The following RAPGEF6 variants were observed in gnomAD, a reference collection of about 807,000 sequenced individuals.
RAPGEF6 encodes the protein Rap guanine nucleotide exchange factor 6.
In RAPGEF6, 56 loss-of-function variants were observed where a neutral mutation model predicts 171.4. The ratio of observed to expected loss-of-function variants is 0.33; its 90% CI spans 0.26 to 0.41. The LOEUF (loss-of-function observed/expected upper bound fraction) is 0.41, where lower values mean the gene tolerates loss of function less well. Ranked by LOEUF, RAPGEF6 falls within the 10% of genes least tolerant of loss-of-function variation. The pLI is 1.00. For missense variants in RAPGEF6, 1,674 were observed against 1,921.4 expected, an observed-to-expected ratio of 0.87 and a Z score of 2.41; for synonymous variants, 692 against 650.1, an observed-to-expected ratio of 1.06 and a Z score of -0.98.
At chr5:131,514,033 C>T (rs1166165410) in intron 7 of RAPGEF6, among the ~76,000 whole-genome samples, 1 of 151,986 alleles carries the variant, frequency 6.6e-6, no homozygotes, top group East Asian at 1.9e-4. Context: ...GTCTCAAAAA[C>T]CAAAACCAAA....
At chr5:131,612,358 A>G (rs897614848) in intron 1 of RAPGEF6, among the ~76,000 whole-genome samples, 10 of 152,010 alleles carry the variant, frequency 6.6e-5, no homozygotes, top group African/African-American at 2.4e-4. Flanking sequence ...TTTGCGTTAG[A>G]TGATTTTGCC....
chr5:131,456,966 C>T (rs1173409966), intron 19 of RAPGEF6, among the ~76,000 whole-genome samples: 1 of 152,184 alleles, frequency 6.6e-6, no homozygotes, highest in Non-Finnish European at 1.5e-5. Flanking sequence ...AAGCTGATGA[C>T]AAATAATGTC....
intron 15 of RAPGEF6, among the ~76,000 whole-genome samples, chr5:131,485,318 C>A (rs1361006937): frequency 6.6e-6 from 1 of 152,096 alleles, no homozygotes; most frequent in Non-Finnish European, 1.5e-5. Context: ...ACTGAGACTG[C>A]CAGCTGTTTT....
intron 15 of RAPGEF6, among the ~76,000 whole-genome samples, chr5:131,480,044 A>G (rs1334570925): frequency 6.6e-6 from 1 of 152,212 alleles, no homozygotes; most frequent in Non-Finnish European, 1.5e-5. Flanking sequence ...GAAAAAAAAC[A>G]GAGGTTCCTA....
rs542562361 is a variant in RAPGEF6, at chr5:131,592,192, T to C, written c.281+191A>G. Reference sequence around the variant, plus strand: ...ATTTTCAGACAGGAAGAAGATATCATGTCATGGTGTAAGCTTACAGATTAT... The same window carrying C: ...ATTTTCAGACAGGAAGAAGATATCACGTCATGGTGTAAGCTTACAGATTAT... On this transcript the variant is annotated intron_variant, in intron 4 of 27. Coordinates refer to ENST00000509018, the MANE Select transcript of RAPGEF6 (RefSeq NM_016340.6). Among the ~76,000 whole-genome samples the C allele has an allele frequency of 3.9e-5, 6 of 152,292 alleles. No individual in the cohort carries two copies. In the South Asian group the frequency reaches 1.2e-3, roughly 32 times the overall value.
chr5:131,453,184 A>C lies in RAPGEF6; in HGVS notation c.3077-7T>G, dbSNP rs908753192. 5.0e-6 allele frequency: 8 copies of C among 1,584,904 alleles called. No homozygotes were observed. In the African/African-American group the frequency reaches 1.1e-4, roughly 21 times the overall value. ...TCTACTTTGGAGTCATTTCCTATAG[A>C]ATGAAAATAAATGTTTAAGTTCAAA... On this transcript the variant is annotated splice_region_variant and splice_polypyrimidine_tract_variant and intron_variant, in intron 20 of 27. Transcript: ENST00000509018.
chr5:131,572,984 T>C (rs1355426870), intron 4 of RAPGEF6, among the ~76,000 whole-genome samples: 4 of 152,164 alleles, frequency 2.6e-5, no homozygotes, highest in African/African-American at 4.8e-5. Context: ...ATGCATTTTT[T>C]ACACTTCGCT....
chr5:131,431,430 A>G, intron 25 of RAPGEF6, 81 bp from the exon 26 acceptor site: 1 of 1,453,178 alleles, frequency 6.9e-7, no homozygotes, highest in Non-Finnish European at 9.2e-7. Flanking sequence ...ATTGCCTGTG[A>G]GAAACTACAG....
In RAPGEF6 at chr5:131,528,313, T is replaced by TTATATATATATA. The variant is rs71590767; in HGVS notation, c.496-6804_496-6793dup. On this transcript the variant is annotated intron_variant, in intron 6 of 27. Coordinates refer to ENST00000509018, the MANE Select transcript of RAPGEF6 (RefSeq NM_016340.6). The stretch of plus-strand genomic sequence containing the variant: ...AATAAAATAAAATAATATATTTATA[T>TTATATATATATA]TATATATATATATATATATATATAT... 1.4e-3 allele frequency among the ~76,000 whole-genome samples: 68 copies of TTATATATATATA among 48,822 alleles called. 1 individual carries two copies. The highest frequency in any genetic ancestry group is 4.4e-3 in the African/African-American group (61 of 13,942). 32.0% of individuals were successfully genotyped at this position (48,822 alleles called of 152,430 possible). A position where few individuals can be genotyped will look rare whatever the true frequency, so the allele number is the denominator to read the frequency against.
At chr5:131,616,032 G>A (rs1426759033) in intron 1 of RAPGEF6, among the ~76,000 whole-genome samples, 2 of 152,054 alleles carry the variant, frequency 1.3e-5, no homozygotes, top group African/African-American at 4.8e-5. Context: ...TGCAGAAATT[G>A]TCCAGGGGTA....
chr5:131,505,176 T>G (rs945313532), intron 10 of RAPGEF6, among the ~76,000 whole-genome samples, 188 bp downstream of exon 10: 3 of 152,166 alleles, frequency 2.0e-5, no homozygotes, highest in Non-Finnish European at 2.9e-5. Flanking sequence ...TAATCTCTTT[T>G]GAAAACTTAT....
chr5:131,547,508 C>CTT (rs537121153), intron 6 of RAPGEF6, among the ~76,000 whole-genome samples: 12 of 132,434 alleles, frequency 9.1e-5, no homozygotes, highest in Non-Finnish European at 2.0e-4. Context: ...ACACAGCTTA[C>CTT]TTTTTTTTTT....
chr5:131,560,093 T>C (rs1216233511), intron 5 of RAPGEF6, among the ~76,000 whole-genome samples: 3 of 152,172 alleles, frequency 2.0e-5, no homozygotes, highest in Admixed American at 6.5e-5. Context: ...ATTATACCAA[T>C]CATCAATAAA....
In RAPGEF6 at chr5:131,489,588, T is replaced by G. The variant is rs200662948; in HGVS notation, c.1798A>C (p.Asn600His). The G allele has an allele frequency of 3.1e-6, 5 of 1,601,186 alleles. No homozygotes were observed. The highest frequency in any genetic ancestry group is 1.7e-4 in the Middle Eastern group (1 of 6,046). ...TFMKAVEILR[N>H]NTHLALTVKT... ...ACAGTAAGTGCAAGATGAGTATTAT[T>G]CCTCAAAATTTCAACGGCTTTCATA... Residue 600 changes from asparagine to histidine, a missense_variant, in exon 15 of 28, where the codon AAT becomes CAT. Physicochemically the swap from Asn to His is moderately conservative, Grantham distance 68. Around this residue, in one of 3 missense-constraint regions of RAPGEF6, gnomAD observed 1,116 missense variants for 1,321.5 expected, o/e 0.84. Transcript: ENST00000509018.
chr5:131,597,166 C>A lies in RAPGEF6; in HGVS notation c.198-4700G>T, dbSNP rs1317843132. Among the ~76,000 whole-genome samples, 27 of 152,176 alleles carry A rather than the reference C, an allele frequency of 1.8e-4. 1 individual carries two copies. Among genetic ancestry groups the A allele is most frequent in the Admixed American group, 1.3e-3 (20 of 15,298 alleles). The stretch of plus-strand genomic sequence containing the variant: ...AGGGAAATGCAAACTCAAATCACAA[C>A]AAGACACCACTTCATTCCAGTGAGA... On this transcript the variant is annotated intron_variant, in intron 3 of 27. Coordinates refer to ENST00000509018, the MANE Select transcript of RAPGEF6 (RefSeq NM_016340.6).
At position 131,472,512 on chromosome 5, in the gene RAPGEF6, T is replaced by C. The variant is rs1580879114; in HGVS notation, c.2239+75A>G. The C allele has an allele frequency of 4.7e-5, 71 of 1,516,860 alleles. 1 individual carries two copies. In the East Asian group the frequency reaches 1.6e-3, roughly 35 times the overall value. The allele number at this position is 1,516,860 out of a possible 1,614,324, so 94.0% of individuals were successfully genotyped here. A position where few individuals can be genotyped will look rare whatever the true frequency, so the allele number is the denominator to read the frequency against. On this transcript the variant is annotated intron_variant, in intron 17 of 27. Coordinates refer to ENST00000509018, the MANE Select transcript of RAPGEF6 (RefSeq NM_016340.6). ...GAGGGCTGCAAGTAACTCTAGCACT[T>C]GCTGCACAAGGCTTAACCATCTATT...
At chr5:131,560,560 C>T (rs761885780) in intron 5 of RAPGEF6, among the ~76,000 whole-genome samples, 1 of 152,152 alleles carries the variant, frequency 6.6e-6, no homozygotes, top group Non-Finnish European at 1.5e-5. Flanking sequence ...AGTTTTCTTG[C>T]CATGTTCCTC....
intron 8 of RAPGEF6, among the ~76,000 whole-genome samples, chr5:131,509,001 C>G (rs1176469348): frequency 6.6e-6 from 1 of 152,060 alleles, no homozygotes; most frequent in Middle Eastern, 3.2e-3. Flanking sequence ...AAGGAATGTT[C>G]AAATACATTG....
intron 26 of RAPGEF6, among the ~76,000 whole-genome samples, chr5:131,429,963 T>C (rs182931006): frequency 6.6e-6 from 1 of 151,672 alleles, no homozygotes; most frequent in African/African-American, 2.4e-5. Flanking sequence ...GAGAGGAGAA[T>C]TGCTTGAACC....
Sources: gnomAD v4.1 joint callset for allele counts (sites outside exome capture counted in the v4.1 genomes callset) on GRCh38, gnomAD v4.1.1 for gene constraint, gnomAD v4.1.1 regional missense constraint, MANE v1.5 for transcripts, NCBI Gene and HGNC (gene_info 2026-07-23, HGNC 2026-07-21) for gene names.